The following RTF2 variants were observed in gnomAD, a reference collection of about 807,000 sequenced individuals.
The protein encoded by RTF2 is replication termination factor 2, also known as UPF0549 protein C20orf43.
Under a neutral mutation model 38.0 loss-of-function variants are expected in RTF2, and 18 were observed. That is an observed-to-expected ratio of 0.47 (90% confidence interval 0.33 to 0.70). RTF2 has a LOEUF of 0.70. Ranked by LOEUF, RTF2 falls within the 30% of genes least tolerant of loss-of-function variation. The pLI, the probability that RTF2 is intolerant of heterozygous loss-of-function variation, is 0.02. For missense variants in RTF2, 311 were observed against 379.6 expected (o/e 0.82, Z 1.50); for synonymous variants, 126 against 137.1 (o/e 0.92, Z 0.57).
chr20:56,474,755 A>G lies in RTF2; in HGVS notation c.242A>G (p.His81Arg). 6.2e-7 allele frequency: 1 copy of G among 1,606,166 alleles called. No individual in the cohort carries two copies. ...AEKALGKAAS[H>R]IKSIKNVTEL... ...AAGGCTCTTGGGAAGGCAGCATCTC[A>G]CATTAAAAGCATTAAGGTAACACGA... The change falls in exon 3 of 9, where the codon CAC (histidine) becomes CGC (arginine). Residue 81 changes from histidine to arginine, a missense_variant. His to Arg is a conservative substitution (Grantham distance 29). Transcript: ENST00000357348.
At chr20:56,473,459 A>G (rs1381414443) in intron 2 of RTF2, 64 bp downstream of exon 2, 3 of 1,207,150 alleles carry the variant, frequency 2.5e-6, no homozygotes, top group Non-Finnish European at 3.7e-6. Context: ...TGATGTGTAA[A>G]TGCAGTTTTC....
intron 5 of RTF2, among the ~76,000 whole-genome samples, chr20:56,498,486 G>A (rs527972974): frequency 2.3e-4 from 34 of 150,658 alleles, no homozygotes; most frequent in African/African-American, 6.4e-4. Context: ...GAGTGAGACC[G>A]TGTCTCCCAA....
At chr20:56,481,811 C>G (rs1367923115) in intron 4 of RTF2, among the ~76,000 whole-genome samples, 4 of 152,204 alleles carry the variant, frequency 2.6e-5, no homozygotes, top group African/African-American at 9.7e-5. Flanking sequence ...TACATAGGTA[C>G]TCCCCATTGC....
chr20:56,476,986 A>G lies in RTF2; in HGVS notation c.260A>G (p.Asn87Ser), dbSNP rs2050888716. ...KAASHIKSIK[N>S]VTELKLSDNP... ...TAAAATATTAATGGTTTTTCCCAGA[A>G]TGTGACAGAGCTGAAGCTTTCTGAT... Residue 87 changes from asparagine to serine, a missense_variant and splice_region_variant, in exon 4 of 9, where the codon AAT becomes AGT. Transcript: ENST00000357348. 6.2e-7 allele frequency: 1 copy of G among 1,613,794 alleles called. No individual in the cohort carries two copies. The highest frequency in any genetic ancestry group is 1.3e-5 in the African/African-American group (1 of 74,896).
At chr20:56,499,655 C>G (rs541007858) in intron 5 of RTF2, among the ~76,000 whole-genome samples, 2 of 151,896 alleles carry the variant, frequency 1.3e-5, no homozygotes, top group African/African-American at 4.8e-5. Flanking sequence ...AAACCAGATA[C>G]CATAGTTTGT....
intron 6 of RTF2, 94 bp from the exon 7 acceptor site, chr20:56,516,841 G>T: frequency 8.7e-7 from 1 of 1,150,040 alleles, no homozygotes; most frequent in Non-Finnish European, 1.3e-6. Flanking sequence ...GCATCGGTCA[G>T]TCAGACAGGG....
At chr20:56,484,607 G>A (rs148958948) in intron 5 of RTF2, among the ~76,000 whole-genome samples, 3 of 152,290 alleles carry the variant, frequency 2.0e-5, no homozygotes, top group Middle Eastern at 3.4e-3. Context: ...TTCCCCACCG[G>A]ACTTAGTTTT....
chr20:56,484,167 T>G lies in RTF2; in HGVS notation c.455T>G (p.Ile152Arg), dbSNP rs750994264. Reference sequence around the variant, plus strand: ...TTTTCTGAGCGAGCCTTGAAAGAGATAAAAGCGGAAGTTTGCCACACGGTG... The same window carrying G: ...TTTTCTGAGCGAGCCTTGAAAGAGAGAAAAGCGGAAGTTTGCCACACGGTG... The part of the protein sequence containing the change: ...CVFSERALKE[I>R]KAEVCHTCGA... Residue 152 changes from isoleucine to arginine, a missense_variant, in exon 5 of 9, where the codon ATA becomes AGA. Coordinates refer to ENST00000357348, the MANE Select transcript of RTF2 (RefSeq NM_016407.5). The G allele has an allele frequency of 1.1e-5, 18 of 1,614,188 alleles. No individual in the cohort carries two copies. The South Asian group carries it at 2.0e-4, about 18-fold the overall frequency.
In RTF2 at chr20:56,495,032, T is replaced by C. The variant is rs137940261; in HGVS notation, c.477+10843T>C. Among the ~76,000 whole-genome samples, 222 of 152,378 alleles carry C rather than the reference T, an allele frequency of 1.5e-3. 1 individual carries two copies. The highest frequency in any genetic ancestry group is 5.1e-3 in the African/African-American group (211 of 41,590). On this transcript the variant is annotated intron_variant, in intron 5 of 8. Transcript: ENST00000357348. ...TGTGTACTTTTCTGTATGAATCTTA[T>C]ATAAAAAGTTTTTTTAAAAAATTGA...
chr20:56,500,220 A>T (rs1983841510), intron 5 of RTF2, among the ~76,000 whole-genome samples: 1 of 151,606 alleles, frequency 6.6e-6, no homozygotes, highest in African/African-American at 2.4e-5. Context: ...ACACTCAGCT[A>T]ATTTTGTATT....
At position 56,516,982 on chromosome 20, in the gene RTF2, C is replaced by A. The variant is rs1985082776; in HGVS notation, c.639C>A (p.Val213=). 1 of 1,613,744 alleles carries A rather than the reference C, an allele frequency of 6.2e-7. No homozygotes were observed. The highest frequency in any genetic ancestry group is 1.3e-5 in the African/African-American group (1 of 74,928). ...CAGAGTCTGTTTCAAAACCAGATGT[C>A]AGTGAAGGTAAGATCCTTCAAGAGA... The part of the protein sequence containing the change: ...KAAESVSKPD[V]SEEAPGPSKV... The change falls in exon 7 of 9, where the codon GTC becomes GTA. Residue 213 remains valine (V), a synonymous_variant. Coordinates refer to ENST00000357348, the MANE Select transcript of RTF2 (RefSeq NM_016407.5).
chr20:56,509,622 A>AG (rs1476770448), intron 5 of RTF2, among the ~76,000 whole-genome samples: 1 of 151,888 alleles, frequency 6.6e-6, no homozygotes, highest in African/African-American at 2.4e-5. Flanking sequence ...AAAAAAAAAA[A>AG]AAAAAGAAAA....
chr20:56,511,992 C>G (rs145035961), intron 5 of RTF2, among the ~76,000 whole-genome samples: 1 of 152,118 alleles, frequency 6.6e-6, no homozygotes, highest in South Asian at 2.1e-4. Context: ...ACCACCACAC[C>G]CAGCACCACC....
At chr20:56,496,804 G>T in intron 5 of RTF2, 1 of 1,552,004 alleles carries the variant, frequency 6.4e-7, no homozygotes, top group Non-Finnish European at 8.7e-7. Flanking sequence ...TTATGGGGTG[G>T]TTTGTCTTTG....
At chr20:56,510,187 T>A (rs1337849596) in intron 5 of RTF2, among the ~76,000 whole-genome samples, 4 of 152,190 alleles carry the variant, frequency 2.6e-5, no homozygotes, top group Non-Finnish European at 5.9e-5. Context: ...TGCACAACTC[T>A]AAATATACTA....
chr20:56,475,415 G>C (rs1395557515), intron 3 of RTF2, among the ~76,000 whole-genome samples: 2 of 152,124 alleles, frequency 1.3e-5, no homozygotes, highest in Non-Finnish European at 2.9e-5. Context: ...TCTAGGTTTT[G>C]CCTTCTTTTT....
chr20:56,484,052 T>G (rs919412274), intron 4 of RTF2, 59 bp from the exon 5 acceptor site: 4 of 1,437,892 alleles, frequency 2.8e-6, no homozygotes, highest in East Asian at 2.3e-5. Context: ...ATCAACCGAA[T>G]AAATGTGAAT....
chr20:56,491,713 CAG>C (rs1218910120), intron 5 of RTF2: 3 of 1,552,150 alleles, frequency 1.9e-6, no homozygotes, highest in African/African-American at 1.4e-5. Context: ...TGTTGGCAAA[CAG>C]AGAAGGCGAC....
intron 1 of RTF2, chr20:56,471,718 C>A (rs1981981602): frequency 1.3e-5 from 2 of 152,170 alleles, no homozygotes; most frequent in African/African-American, 4.8e-5. Flanking sequence ...TTTCAAAGCC[C>A]TGGATAAGGA....
Sources: allele counts gnomAD v4.1 joint callset (sites outside exome capture counted in the v4.1 genomes callset), GRCh38; gene constraint gnomAD v4.1.1; transcripts MANE v1.5; gene names NCBI Gene and HGNC (gene_info 2026-07-23, HGNC 2026-07-21).